Variants in CLEC16A observed in about 807,000 individuals in gnomAD.
CLEC16A encodes C-type lectin domain containing 16A.
CLEC16A carries 51 observed loss-of-function variants against 109.5 expected under a neutral mutation model. The observed-to-expected ratio is 0.47, with a 90% CI of 0.37 to 0.59. The LOEUF (loss-of-function observed/expected upper bound fraction) is 0.59. Ranked by LOEUF, CLEC16A falls within the 20% of genes least tolerant of loss-of-function variation. The pLI, the probability that CLEC16A is intolerant of heterozygous loss-of-function variation, is 0.00. For missense variants in CLEC16A, 1,339 were observed against 1,394.0 expected (o/e 0.96, Z 0.63); for synonymous variants, 673 against 564.2 (o/e 1.19, Z -2.73).
intron 22 of CLEC16A, among the ~76,000 whole-genome samples, chr16:11,139,403 A>G (rs1457269352): frequency 2.0e-5 from 3 of 152,266 alleles, no homozygotes; most frequent in Non-Finnish European, 2.9e-5. Flanking sequence ...CTGTCCAGCC[A>G]TGGCATTTAG....
chr16:10,987,380 C>T (rs1471996552), intron 10 of CLEC16A, among the ~76,000 whole-genome samples: 2 of 152,182 alleles, frequency 1.3e-5, no homozygotes, highest in Non-Finnish European at 2.9e-5. Flanking sequence ...GTTTAGGACA[C>T]TGGCTGTAGC....
At chr16:10,997,627 A>G (rs902169150) in intron 10 of CLEC16A, among the ~76,000 whole-genome samples, 3 of 152,262 alleles carry the variant, frequency 2.0e-5, no homozygotes, top group African/African-American at 7.2e-5. Context: ...AAAAGTTTCT[A>G]GTGCTGGTAA....
chr16:11,154,117 AGAG>A (rs1435591955), intron 22 of CLEC16A, among the ~76,000 whole-genome samples: 1 of 152,266 alleles, frequency 6.6e-6, no homozygotes, highest in East Asian at 1.9e-4. Context: ...GACAGGGCAA[AGAG>A]AAATGGAGAA....
At chr16:11,027,705 A>G in intron 13 of CLEC16A, 1 of 1,581,426 alleles carries the variant, frequency 6.3e-7, no homozygotes, top group South Asian at 1.1e-5. Flanking sequence ...CCTCAAGGAG[A>G]TGGGCACACT....
Position 10,961,024 on chromosome 16 carries a change from G to T in CLEC16A, c.210-1431G>T, listed in dbSNP as rs947759538. ...CCCTATGGAGTTTTAAAAAATCTAG[G>T]TTCATGGATTTTATGCTAGACCTAC... On this transcript the variant is annotated intron_variant, in intron 2 of 23. Transcript: ENST00000409790. This position sits in a 1 kb window ranked among gnomAD's most constrained non-coding sequence, Gnocchi z 4.3. 1.3e-5 allele frequency among the ~76,000 whole-genome samples: 2 copies of T among 152,050 alleles called. No individual in the cohort carries two copies. Among genetic ancestry groups the T allele is most frequent in the South Asian group, 4.1e-4 (2 of 4,824 alleles).
chr16:10,991,703 G>A (rs943804270), intron 10 of CLEC16A, among the ~76,000 whole-genome samples: 4 of 152,182 alleles, frequency 2.6e-5, no homozygotes, highest in African/African-American at 4.8e-5. Flanking sequence ...GACAAGTCTC[G>A]GTACGGGAAT....
rs1243151509 is a variant in CLEC16A at position 10,977,212 on chromosome 16, T to C, written c.729-13T>C. The C allele has an allele frequency of 6.2e-7, 1 of 1,611,478 alleles. No individual in the cohort carries two copies. Among genetic ancestry groups the C allele is most frequent in the Non-Finnish European group, 8.5e-7 (1 of 1,178,752 alleles). On this transcript the variant is annotated splice_polypyrimidine_tract_variant and intron_variant, in intron 7 of 23. Transcript: ENST00000409790. ...GTTGGCCTCCAGGCTGAGGTGGTCA[T>C]TTCTCCTGGCAGGCATCGGAATCGG...
chr16:11,018,465 T>C (rs541207095), intron 11 of CLEC16A, among the ~76,000 whole-genome samples: 1 of 151,910 alleles, frequency 6.6e-6, no homozygotes, highest in Admixed American at 6.6e-5. Flanking sequence ...AGAAACAAGC[T>C]TGGGCCAGGC....
intron 19 of CLEC16A, among the ~76,000 whole-genome samples, chr16:11,080,900 C>G (rs183283875): frequency 2.2e-3 from 331 of 152,308 alleles, no homozygotes; most frequent in Non-Finnish European, 2.9e-3. Flanking sequence ...TCAGTCACAC[C>G]CATGAAATCC....
chr16:11,120,885 C>T (rs2052360543), intron 20 of CLEC16A, 119 bp downstream of exon 20: 1 of 1,054,480 alleles, frequency 9.5e-7, no homozygotes, highest in African/African-American at 1.6e-5. Context: ...TGATATTATA[C>T]AAGGTATATG....
chr16:10,979,828 G>A (rs968567021), intron 9 of CLEC16A, among the ~76,000 whole-genome samples: 2 of 152,114 alleles, frequency 1.3e-5, no homozygotes, highest in Admixed American at 6.5e-5. Context: ...GGGCTTTATC[G>A]CGGTTCTAGT....
rs1210317427 is a variant in CLEC16A, at chr16:10,954,234, A to G, written c.81-3548A>G. 1.3e-5 allele frequency among the ~76,000 whole-genome samples: 2 copies of G among 152,200 alleles called. No individual in the cohort carries two copies. The highest frequency in any genetic ancestry group is 1.5e-5 in the Non-Finnish European group (1 of 68,042). On this transcript the variant is annotated intron_variant, in intron 1 of 23. Transcript: ENST00000409790. This position sits in a 1 kb window ranked among gnomAD's most constrained non-coding sequence, Gnocchi z 4.2. The stretch of plus-strand genomic sequence containing the variant: ...GTGGGCGAGCTACTGAACGTCGCCA[A>G]ACCTCACTTGCTGTCTTGTCCTGTG...
rs894900827 is a variant in CLEC16A, at chr16:11,158,219, G to A, written c.2642-8169G>A. 4.0e-4 allele frequency among the ~76,000 whole-genome samples: 61 copies of A among 152,102 alleles called. 2 individuals are homozygous for A. Among genetic ancestry groups the A allele is most frequent in the Non-Finnish European group, 4.4e-5 (3 of 68,024 alleles). On this transcript the variant is annotated intron_variant, in intron 22 of 23. Transcript: ENST00000409790. ...CTGTTTCCCAGCATCGTGATGGGTG[G>A]TGAGAAAATATGAACACTGCATCGT...
intron 10 of CLEC16A, among the ~76,000 whole-genome samples, chr16:10,998,421 G>T (rs115156228): frequency 2.9e-3 from 439 of 152,318 alleles, no homozygotes; most frequent in African/African-American, 1.0e-2. Context: ...GGAGATGAGC[G>T]CGTGGTGAAA....
chr16:11,086,587 G>C (rs1185197002), intron 19 of CLEC16A, among the ~76,000 whole-genome samples: 1 of 152,104 alleles, frequency 6.6e-6, no homozygotes, highest in African/African-American at 2.4e-5. Flanking sequence ...TTGTTGCCCA[G>C]GCTGGAGTGC....
intron 11 of CLEC16A, among the ~76,000 whole-genome samples, chr16:11,012,731 A>G (rs2045510906): frequency 6.6e-6 from 1 of 152,182 alleles, no homozygotes; most frequent in African/African-American, 2.4e-5. Flanking sequence ...AAATGTTTGC[A>G]AAGTGAAAAA....
At chr16:10,999,413 A>T (rs1293020484) in intron 10 of CLEC16A, among the ~76,000 whole-genome samples, 2 of 152,140 alleles carry the variant, frequency 1.3e-5, no homozygotes, top group Non-Finnish European at 2.9e-5. Context: ...TTACACCATC[A>T]CGTATAGCCT....
intron 19 of CLEC16A, among the ~76,000 whole-genome samples, chr16:11,067,945 A>C (rs2048859141): frequency 6.6e-6 from 1 of 152,196 alleles, no homozygotes; most frequent in Non-Finnish European, 1.5e-5. Context: ...GCTAATTATT[A>C]ACAACAACCC....
chr16:11,143,057 C>T (rs959606764), intron 22 of CLEC16A, among the ~76,000 whole-genome samples: 6 of 152,188 alleles, frequency 3.9e-5, no homozygotes, highest in South Asian at 4.1e-4. Flanking sequence ...GTGATCCACC[C>T]GGCCTTGGCC....
Sources: allele counts gnomAD v4.1 joint callset (sites outside exome capture counted in the v4.1 genomes callset), GRCh38; gene constraint gnomAD v4.1.1; non-coding constraint Gnocchi (gnomAD v3.1); transcripts MANE v1.5; gene names NCBI Gene and HGNC (gene_info 2026-07-23, HGNC 2026-07-21).